CALN1: variants seen among roughly 807,000 people sequenced by gnomAD.
CALN1 encodes the protein calneuron 1.
CALN1 carries 17 observed loss-of-function variants against 30.6 expected under a neutral mutation model. The ratio of observed to expected loss-of-function variants is 0.56; its 90% CI spans 0.38 to 0.83. The LOEUF is 0.83. Among genes scored for constraint, CALN1 ranks in the 40% least tolerant of loss-of-function variants. The probability of loss-of-function intolerance (pLI) is 0.00; values close to 1 mark genes in which losing one functional copy is unlikely to be tolerated. For missense variants in CALN1, 291 were observed against 354.9 expected, an observed-to-expected ratio of 0.82 and a Z score of 1.45; for synonymous variants, 156 against 131.4, an observed-to-expected ratio of 1.19 and a Z score of -1.28.
chr7:72,227,261 C>T lies in CALN1; in HGVS notation c.244+51425G>A, dbSNP rs184178954. Among the ~76,000 whole-genome samples, 65 of 150,286 alleles carry T rather than the reference C, an allele frequency of 4.3e-4. 1 individual carries two copies. The highest frequency in any genetic ancestry group is 1.4e-3 in the Admixed American group (21 of 15,094). ...TAAAAAAAAAAAAAAAGAGGGCAGCCGGGAGTGGTGGCCTACGTCTGTAAT... is the reference window on the plus strand; with the variant it reads ...TAAAAAAAAAAAAAAAGAGGGCAGCTGGGAGTGGTGGCCTACGTCTGTAAT... On this transcript the variant is annotated intron_variant, in intron 3 of 6. Coordinates refer to ENST00000395275, the MANE Select transcript of CALN1 (RefSeq NM_031468.4).
chr7:72,317,127 A>C (rs1192162069), intron 2 of CALN1, among the ~76,000 whole-genome samples: 1 of 129,690 alleles, frequency 7.7e-6, no homozygotes, highest in East Asian at 2.8e-4. Flanking sequence ...AGAAAAAGAA[A>C]GAAAGGGAAG....
intron 2 of CALN1, among the ~76,000 whole-genome samples, chr7:72,308,103 C>G (rs977218704): frequency 1.3e-5 from 2 of 152,132 alleles, no homozygotes; most frequent in Admixed American, 6.5e-5. Flanking sequence ...GTGGCTCACA[C>G]CTGTAATCCC....
chr7:72,286,533 T>G (rs904515738), intron 2 of CALN1, among the ~76,000 whole-genome samples: 1 of 151,996 alleles, frequency 6.6e-6, no homozygotes, highest in African/African-American at 2.4e-5. Flanking sequence ...GAAATATATA[T>G]GTCTTCCTCT....
rs144475264 is a variant in CALN1 at position 71,946,671 on chromosome 7, C to T, written c.501+76986G>A. ...GCCACCATGCCTAGACAGCCAAGAACGTTACATACACATACATCATTTTCC... is the reference window on the plus strand; with the variant it reads ...GCCACCATGCCTAGACAGCCAAGAATGTTACATACACATACATCATTTTCC... On this transcript the variant is annotated intron_variant, in intron 5 of 6. Coordinates refer to ENST00000395275, the MANE Select transcript of CALN1 (RefSeq NM_031468.4). Among the ~76,000 whole-genome samples the T allele has an allele frequency of 6.7e-4, 102 of 151,624 alleles. No homozygotes were observed. In the East Asian group the frequency reaches 0.016, roughly 24 times the overall value.
At chr7:72,240,485 G>A (rs1283079333) in intron 3 of CALN1, among the ~76,000 whole-genome samples, 1 of 152,194 alleles carries the variant, frequency 6.6e-6, no homozygotes, top group Non-Finnish European at 1.5e-5. Context: ...ATGAGCTGCT[G>A]CGACTGGGGG....
chr7:72,060,266 T>C (rs530005228), intron 4 of CALN1, among the ~76,000 whole-genome samples: 8 of 152,300 alleles, frequency 5.3e-5, no homozygotes, highest in South Asian at 4.1e-4. Context: ...AGTGGAACCA[T>C]TGTCTCGAGT....
In CALN1 at chr7:71,813,692, G is replaced by A. The variant is rs1388598691; in HGVS notation, c.502-3200C>T. Among the ~76,000 whole-genome samples the A allele has an allele frequency of 2.0e-5, 3 of 152,146 alleles. No individual in the cohort carries two copies. In the East Asian group the frequency reaches 5.8e-4, roughly 29 times the overall value. On this transcript the variant is annotated intron_variant, in intron 5 of 6. Transcript: ENST00000395275. ...CGCCTGTCATCCTAGCACTTTGGGA[G>A]GCCGAGGCTGGCGGATCACAAGGTC...
upstream of CALN1, among the ~76,000 whole-genome samples, chr7:72,412,673 T>G (rs1044358310): frequency 5.9e-5 from 9 of 152,134 alleles, no homozygotes; most frequent in African/African-American, 1.9e-4. Context: ...CCCCTCACCC[T>G]TCCCCCATGG....
chr7:72,025,900 T>C (rs1400693083), intron 4 of CALN1, among the ~76,000 whole-genome samples: 5 of 152,060 alleles, frequency 3.3e-5, no homozygotes, highest in African/African-American at 9.7e-5. Flanking sequence ...CAGGAACAGA[T>C]TGTCCAGGAA....
chr7:72,227,468 A>T (rs1334216203), intron 3 of CALN1, among the ~76,000 whole-genome samples: 6 of 151,530 alleles, frequency 4.0e-5, no homozygotes, highest in Non-Finnish European at 8.8e-5. Context: ...TGAACCTGGG[A>T]GGTAAAGATT....
intron 5 of CALN1, among the ~76,000 whole-genome samples, chr7:71,859,958 A>G (rs1160343416): frequency 6.6e-6 from 1 of 152,184 alleles, no homozygotes; most frequent in Non-Finnish European, 1.5e-5. Flanking sequence ...GGAATGTCCT[A>G]ATATCCCGAT....
At chr7:72,216,304 T>A (rs1165357805) in intron 3 of CALN1, among the ~76,000 whole-genome samples, 1 of 151,910 alleles carries the variant, frequency 6.6e-6, no homozygotes, top group Non-Finnish European at 1.5e-5. Context: ...TGTGCACCTG[T>A]AGTCCCAGAT....
chr7:72,078,410 G>A (rs1246367822), intron 4 of CALN1, among the ~76,000 whole-genome samples: 3 of 152,078 alleles, frequency 2.0e-5, no homozygotes, highest in Non-Finnish European at 2.9e-5. Context: ...CTTAAGTAAG[G>A]CCTCAGAGAC....
intron 5 of CALN1, among the ~76,000 whole-genome samples, chr7:71,915,511 A>T (rs1418260903): frequency 6.6e-6 from 1 of 152,168 alleles, no homozygotes; most frequent in Non-Finnish European, 1.5e-5. Context: ...AGGCAGGCAG[A>T]TCGCAAAGTC....
intron 5 of CALN1, among the ~76,000 whole-genome samples, chr7:71,915,846 A>G (rs1794666848): frequency 6.6e-6 from 1 of 152,196 alleles, no homozygotes; most frequent in South Asian, 2.1e-4. Flanking sequence ...CTTGAGAAAG[A>G]AAACCCATCC....
chr7:72,077,046 C>T (rs1374936260), intron 4 of CALN1, among the ~76,000 whole-genome samples: 1 of 151,910 alleles, frequency 6.6e-6, no homozygotes. Flanking sequence ...AGAAGTATTT[C>T]TTTGATACAC....
At chr7:72,370,526 T>C (rs946938371) in intron 2 of CALN1, among the ~76,000 whole-genome samples, 2 of 152,028 alleles carry the variant, frequency 1.3e-5, no homozygotes, top group Admixed American at 6.6e-5. Context: ...TGGTGGCACA[T>C]GCCTGTAGTC....
intron 3 of CALN1, among the ~76,000 whole-genome samples, chr7:72,242,344 T>C (rs35564992): frequency 0.13 from 19,992 of 152,160 alleles, 1,730 homozygotes; most frequent in East Asian, 0.43. Context: ...TTCCATCCTT[T>C]GGGGTATAGG....
chr7:71,860,279 A>C (rs1237738923), intron 5 of CALN1, among the ~76,000 whole-genome samples: 1 of 147,914 alleles, frequency 6.8e-6, no homozygotes, highest in Non-Finnish European at 1.5e-5. Flanking sequence ...TGCAACCTCC[A>C]CCTCCTGGGC....
Sources: allele counts gnomAD v4.1 joint callset (sites outside exome capture counted in the v4.1 genomes callset), GRCh38; gene constraint gnomAD v4.1.1; transcripts MANE v1.5; gene names NCBI Gene and HGNC (gene_info 2026-07-23, HGNC 2026-07-21).